The following PBRM1 variants were observed in gnomAD, a reference collection of about 807,000 sequenced individuals.
PBRM1 encodes the protein polybromo 1.
PBRM1 carries 27 observed loss-of-function variants against 194.5 expected under a neutral mutation model. The ratio of observed to expected loss-of-function variants is 0.14; its 90% CI spans 0.10 to 0.19. The LOEUF (loss-of-function observed/expected upper bound fraction) is 0.19. Ranked by LOEUF, PBRM1 falls within the 10% of genes least tolerant of loss-of-function variation. PBRM1 has a pLI of 1.00. For synonymous variants in PBRM1, 655 were observed against 693.2 expected, an observed-to-expected ratio of 0.94 and a Z score of 0.87; for missense variants, 1,466 against 2,077.2, an observed-to-expected ratio of 0.71 and a Z score of 5.72.
intron 3 of PBRM1, among the ~76,000 whole-genome samples, chr3:52,667,877 T>C (rs1038438986): frequency 2.1e-5 from 3 of 145,278 alleles, no homozygotes; most frequent in South Asian, 2.2e-4. Flanking sequence ...CTGAGTAACA[T>C]AGGGAGACTC....
intron 20 of PBRM1, among the ~76,000 whole-genome samples, chr3:52,583,779 G>A (rs1268029332): frequency 6.6e-6 from 1 of 151,900 alleles, no homozygotes; most frequent in East Asian, 1.9e-4. Flanking sequence ...AAAAATTATA[G>A]GTAAATTACT....
At chr3:52,658,341 T>C (rs2096648826) in intron 4 of PBRM1, 26 bp from the exon 6 acceptor site, 1 of 1,242,910 alleles carries the variant, frequency 8.0e-7, no homozygotes, top group Non-Finnish European at 1.2e-6. Flanking sequence ...AAAAAGTACT[T>C]TCTAAGAGAA....
chr3:52,580,354 T>TTTG (rs200564021), intron 20 of PBRM1, among the ~76,000 whole-genome samples: 3 of 152,212 alleles, frequency 2.0e-5, no homozygotes, highest in Admixed American at 6.5e-5. Context: ...ACATGCTTTT[T>TTTG]TTGTTGTTGT....
intron 19 of PBRM1, 50 bp from the exon 22 acceptor site, chr3:52,586,738 G>C: frequency 1.2e-5 from 3 of 250,424 alleles, no homozygotes; most frequent in African/African-American, 7.0e-5. Flanking sequence ...TGAATTTTCT[G>C]AAAATCAATC....
chr3:52,643,491 C>T, intron 8 of PBRM1, 148 bp from the exon 10 acceptor site: 3 of 626,026 alleles, frequency 4.8e-6, no homozygotes, highest in Middle Eastern at 5.3e-4. Flanking sequence ...GACTCTGCTT[C>T]AGGCCCTGGG....
At chr3:52,628,804 G>C in intron 12 of PBRM1, 90 bp downstream of exon 13, 1 of 1,138,598 alleles carries the variant, frequency 8.8e-7, no homozygotes, top group South Asian at 1.2e-5. Flanking sequence ...AGGGTGGGGG[G>C]GATCACACAT....
intron 22 of PBRM1, among the ~76,000 whole-genome samples, chr3:52,568,311 T>C (rs1293393241): frequency 6.6e-6 from 1 of 152,228 alleles, no homozygotes; most frequent in Non-Finnish European, 1.5e-5. Flanking sequence ...CTTTATTTTC[T>C]TTGCCTATTT....
chr3:52,562,829 C>A (rs959839575), intron 24 of PBRM1, among the ~76,000 whole-genome samples: 3 of 151,996 alleles, frequency 2.0e-5, no homozygotes, highest in Non-Finnish European at 4.4e-5. Flanking sequence ...ACATAAGCAA[C>A]CATGCCTGGC....
intron 10 of PBRM1, among the ~76,000 whole-genome samples, chr3:52,635,267 T>TA (rs2095763706): frequency 2.0e-5 from 3 of 151,572 alleles, no homozygotes; most frequent in Admixed American, 1.3e-4. Context: ...ATAATTACTT[T>TA]AAAAAAATAG....
At position 52,573,455 on chromosome 3, in the gene PBRM1, G is replaced by A. The variant is rs531612722; in HGVS notation, c.3691+3086C>T. Among the ~76,000 whole-genome samples, 8 of 152,086 alleles carry A rather than the reference G, an allele frequency of 5.3e-5. No homozygotes were observed. The East Asian group carries it at 1.2e-3, about 22-fold the overall frequency. ...ATTACAGGTGCACACCACCACGCCCGGCTAATTTTTGTATTTTTAGTAAAG... is the reference window on the plus strand; with the variant it reads ...ATTACAGGTGCACACCACCACGCCCAGCTAATTTTTGTATTTTTAGTAAAG... On this transcript the variant is annotated intron_variant, in intron 22 of 29. Transcript: ENST00000296302.
chr3:52,660,499 A>ATATCTATC (rs201570817), intron 4 of PBRM1, among the ~76,000 whole-genome samples: 3 of 151,882 alleles, frequency 2.0e-5, no homozygotes, highest in Admixed American at 6.6e-5. Flanking sequence ...TATTTTGTGT[A>ATATCTATC]TATCTATCTA....
chr3:52,612,715 C>G (rs1244530905), intron 15 of PBRM1, among the ~76,000 whole-genome samples: 1 of 151,964 alleles, frequency 6.6e-6, no homozygotes, highest in Non-Finnish European at 1.5e-5. Flanking sequence ...ACCAGTCTGG[C>G]CAACATGGTG....
At chr3:52,613,265 A>G (rs2094747614) in intron 15 of PBRM1, among the ~76,000 whole-genome samples, 1 of 152,144 alleles carries the variant, frequency 6.6e-6, no homozygotes, top group South Asian at 2.1e-4. Flanking sequence ...AAAAGGGGAT[A>G]GGAAATAAGT....
chr3:52,658,797 A>G (rs1449242711), intron 4 of PBRM1, among the ~76,000 whole-genome samples: 2 of 152,244 alleles, frequency 1.3e-5, no homozygotes, highest in Non-Finnish European at 2.9e-5. Flanking sequence ...AACAACCTAT[A>G]TGAACCTAAT....
intron 4 of PBRM1, among the ~76,000 whole-genome samples, chr3:52,660,519 C>A (rs1161503197): frequency 1.3e-5 from 2 of 151,472 alleles, no homozygotes; most frequent in East Asian, 3.9e-4. Context: ...ATCTATCTAT[C>A]TATATTTTTT....
intron 16 of PBRM1, among the ~76,000 whole-genome samples, chr3:52,604,814 A>C (rs1169182219): frequency 1.3e-5 from 2 of 151,862 alleles, no homozygotes; most frequent in Non-Finnish European, 2.9e-5. Context: ...AAATACAAAA[A>C]CTGATGGTGC....
At chr3:52,682,876 G>A (rs1008182848), upstream of PBRM1, among the ~76,000 whole-genome samples, 1 of 152,076 alleles carries the variant, frequency 6.6e-6, no homozygotes, top group Non-Finnish European at 1.5e-5. Context: ...ACTGGCCAAC[G>A]TGGTGAAACC....
At chr3:52,649,184 T>C (rs557832283) in intron 6 of PBRM1, among the ~76,000 whole-genome samples, 2 of 152,150 alleles carry the variant, frequency 1.3e-5, no homozygotes, top group South Asian at 2.1e-4. Context: ...AGTGTAGCTA[T>C]TTGCCTCGTG....
At chr3:52,578,135 T>TC (rs1379368637) in intron 21 of PBRM1, among the ~76,000 whole-genome samples, 1 of 152,184 alleles carries the variant, frequency 6.6e-6, no homozygotes, top group African/African-American at 2.4e-5. Context: ...AAGTGTTGGT[T>TC]CAGCTGCCGA....
Sources: gnomAD v4.1 joint callset for allele counts (sites outside exome capture counted in the v4.1 genomes callset) on GRCh38, gnomAD v4.1.1 for gene constraint, MANE v1.5 for transcripts, NCBI Gene and HGNC (gene_info 2026-07-23, HGNC 2026-07-21) for gene names.